Variants in FAM178B observed in about 807,000 individuals in gnomAD.
FAM178B encodes the protein family with sequence similarity 178 member B, also known as protein FAM178B.
Under a neutral mutation model 91.7 loss-of-function variants are expected in FAM178B, and 82 were observed. The observed-to-expected ratio is 0.89, with a 90% confidence interval of 0.75 to 1.07. The LOEUF is 1.07. Among genes scored for constraint, FAM178B ranks in the 50% least tolerant of loss-of-function variants. FAM178B has a pLI of 0.00. For synonymous variants in FAM178B, 368 were observed against 359.4 expected (o/e 1.02, Z -0.27); for missense variants, 769 against 846.7 (o/e 0.91, Z 1.14).
chr2:96,877,737 G>T (rs971000340), intron 16 of FAM178B, 153 bp downstream of exon 16: 9 of 719,632 alleles, frequency 1.3e-5, no homozygotes, highest in African/African-American at 1.2e-4. Flanking sequence ...GGCCCCTCAA[G>T]GCGTCCCCAC....
intron 12 of FAM178B, among the ~76,000 whole-genome samples, chr2:96,905,965 C>T (rs1470969670): frequency 2.1e-5 from 3 of 143,200 alleles, no homozygotes; most frequent in East Asian, 2.2e-4. Flanking sequence ...TCTGCCTCCT[C>T]GGTTCAAGCG....
chr2:96,979,275 A>AC (rs1553511571), intron 1 of FAM178B, among the ~76,000 whole-genome samples: 1 of 114,412 alleles, frequency 8.7e-6, no homozygotes, highest in East Asian at 2.6e-4. Flanking sequence ...GCGCCCAGGC[A>AC]TTTTTTTTTT....
chr2:96,986,081 C>A (rs1052933035), intron 1 of FAM178B, among the ~76,000 whole-genome samples, 160 bp downstream of exon 1: 6 of 152,232 alleles, frequency 3.9e-5, no homozygotes, highest in Non-Finnish European at 8.8e-5. Flanking sequence ...GGAACCCGAA[C>A]CACGCGGGGT....
intron 8 of FAM178B, among the ~76,000 whole-genome samples, chr2:96,942,748 TTAC>T (rs1357433270): frequency 6.6e-6 from 1 of 152,174 alleles, no homozygotes; most frequent in Non-Finnish European, 1.5e-5. Flanking sequence ...ACTTTAAAAC[TTAC>T]TACAAGCTAT....
rs185767270 is a variant in FAM178B, at chr2:96,955,148, C to T, written c.888-3664G>A. Among the ~76,000 whole-genome samples the T allele has an allele frequency of 2.4e-4, 37 of 152,056 alleles. 2 individuals carry two copies. The East Asian group carries it at 6.8e-3, about 28-fold the overall frequency. ...TGGGAGGCCAAGGCAGGTGGATCAC[C>T]TGAGGTTAGAAGTTCAAGACCAGCC... On this transcript the variant is annotated intron_variant, in intron 6 of 16. Coordinates refer to ENST00000490605, the MANE Select transcript of FAM178B (RefSeq NM_001122646.3).
intron 14 of FAM178B, among the ~76,000 whole-genome samples, chr2:96,886,569 T>A (rs1189534550): frequency 6.6e-6 from 1 of 152,218 alleles, no homozygotes; most frequent in Admixed American, 6.5e-5. Flanking sequence ...TTTTTGACAC[T>A]GTTTAGCCCT....
intron 13 of FAM178B, among the ~76,000 whole-genome samples, chr2:96,896,522 G>A (rs1387531299): frequency 3.9e-5 from 6 of 152,118 alleles, no homozygotes; most frequent in East Asian, 1.9e-4. Flanking sequence ...CAAACACTCG[G>A]CCGCTTAGGG....
At chr2:96,913,594 C>T (rs1388153991) in intron 12 of FAM178B, among the ~76,000 whole-genome samples, 1 of 152,226 alleles carries the variant, frequency 6.6e-6, no homozygotes, top group Non-Finnish European at 1.5e-5. Flanking sequence ...TGCGCAAGGA[C>T]CTGACGAGCG....
intron 12 of FAM178B, among the ~76,000 whole-genome samples, chr2:96,905,037 A>G (rs997464267): frequency 6.7e-6 from 1 of 149,200 alleles, no homozygotes; most frequent in Non-Finnish European, 1.5e-5. Flanking sequence ...CTGGGATTAC[A>G]GGCAACCCCA....
chr2:96,950,256 C>T (rs11900461), intron 7 of FAM178B: 82,873 of 833,804 alleles, frequency 0.099, 5,264 homozygotes, highest in African/African-American at 0.26. Context: ...GGGGCTGCAC[C>T]GCCAGCGTGG....
At chr2:96,963,336 G>C (rs958203908) in intron 5 of FAM178B, among the ~76,000 whole-genome samples, 1 of 152,236 alleles carries the variant, frequency 6.6e-6, no homozygotes, top group Non-Finnish European at 1.5e-5. Flanking sequence ...TCAGCTCAGA[G>C]AGAAAGTTGC....
intron 6 of FAM178B, chr2:96,951,737 G>C (rs935706200): frequency 1.2e-5 from 5 of 410,608 alleles, no homozygotes; most frequent in South Asian, 7.3e-5. Flanking sequence ...AACACATGGC[G>C]GGTGGCTGGA....
chr2:96,924,705 T>C (rs1223102061), intron 9 of FAM178B, among the ~76,000 whole-genome samples: 1 of 152,176 alleles, frequency 6.6e-6, no homozygotes, highest in Non-Finnish European at 1.5e-5. Context: ...GAGCTTATGA[T>C]GAGGGTCCCC....
intron 6 of FAM178B, among the ~76,000 whole-genome samples, chr2:96,958,912 C>T (rs2082041386): frequency 6.6e-6 from 1 of 151,448 alleles, no homozygotes; most frequent in Admixed American, 6.6e-5. Flanking sequence ...AAAAGTATTC[C>T]TGAGGTGGCT....
rs563058030 is a variant in FAM178B at position 96,959,374 on chromosome 2, C to T, written c.887+914G>A. Among the ~76,000 whole-genome samples the T allele has an allele frequency of 4.6e-5, 7 of 152,070 alleles. No individual in the cohort carries two copies. The East Asian group carries it at 7.7e-4, about 17-fold the overall frequency. ...TTGATATGTGTTTGTTAACTTTCCACGATAAAAACTTTCAAAGGAAGCATA... is the reference window on the plus strand; with the variant it reads ...TTGATATGTGTTTGTTAACTTTCCATGATAAAAACTTTCAAAGGAAGCATA... On this transcript the variant is annotated intron_variant, in intron 6 of 16. Coordinates refer to ENST00000490605, the MANE Select transcript of FAM178B (RefSeq NM_001122646.3).
At chr2:96,970,644 G>A (rs1305306093) in intron 4 of FAM178B, 72 bp downstream of exon 4, 2 of 1,188,332 alleles carry the variant, frequency 1.7e-6, no homozygotes, top group Non-Finnish European at 1.2e-6. Context: ...ACCAGACTCT[G>A]CAGTGAGTCC....
chr2:96,911,287 A>C (rs1232723994), intron 12 of FAM178B, among the ~76,000 whole-genome samples: 2 of 152,138 alleles, frequency 1.3e-5, no homozygotes, highest in Non-Finnish European at 2.9e-5. Flanking sequence ...CGAAGAGGAG[A>C]TGCCTTGGCC....
intron 9 of FAM178B, among the ~76,000 whole-genome samples, chr2:96,924,413 T>C (rs1173434015): frequency 6.6e-6 from 1 of 152,228 alleles, no homozygotes; most frequent in African/African-American, 2.4e-5. Flanking sequence ...AAGACCTGCA[T>C]GGCCAGTTTC....
At chr2:96,932,179 C>A (rs1160049846) in intron 8 of FAM178B, among the ~76,000 whole-genome samples, 1 of 152,184 alleles carries the variant, frequency 6.6e-6, no homozygotes, top group African/African-American at 2.4e-5. Flanking sequence ...AGATCCCCAC[C>A]CCAGCCCACA....
Sources: allele counts gnomAD v4.1 joint callset (sites outside exome capture counted in the v4.1 genomes callset), GRCh38; gene constraint gnomAD v4.1.1; transcripts MANE v1.5; gene names NCBI Gene and HGNC (gene_info 2026-07-23, HGNC 2026-07-21).